Variants in LIX1 observed in about 807,000 individuals in gnomAD.
LIX1 encodes protein limb expression 1 homolog.
LIX1 carries 24 observed loss-of-function variants against 33.4 expected under a neutral mutation model. That is an observed-to-expected ratio of 0.72 (90% CI 0.52 to 1.01). The LOEUF is 1.01. Ranked by LOEUF, LIX1 falls within the 50% of genes least tolerant of loss-of-function variation. LIX1 has a pLI of 0.00. For synonymous variants in LIX1, 124 were observed against 124.0 expected, an observed-to-expected ratio of 1.00 and a Z score of 0.00; for missense variants, 311 against 339.2, an observed-to-expected ratio of 0.92 and a Z score of 0.65.
chr5:97,110,814 A>G (rs1164358332), intron 2 of LIX1, among the ~76,000 whole-genome samples: 1 of 151,784 alleles, frequency 6.6e-6, no homozygotes, highest in Non-Finnish European at 1.5e-5. Flanking sequence ...TGTGGAAAGT[A>G]GTTTTTTTTT....
At chr5:97,098,052 G>A (rs528152748) in intron 4 of LIX1, among the ~76,000 whole-genome samples, 178 of 152,258 alleles carry the variant, frequency 1.2e-3, no homozygotes, top group African/African-American at 4.1e-3. Context: ...TCTGTTTTAC[G>A]GAAGGAGGTG....
chr5:97,133,210 T>C (rs1748098374), intron 1 of LIX1, among the ~76,000 whole-genome samples: 1 of 152,236 alleles, frequency 6.6e-6, no homozygotes, highest in Admixed American at 6.5e-5. Flanking sequence ...CCACTTTTTA[T>C]CAACAGACAG....
intron 1 of LIX1, among the ~76,000 whole-genome samples, chr5:97,128,654 C>T (rs1213407863): frequency 1.3e-5 from 2 of 152,006 alleles, no homozygotes; most frequent in Admixed American, 6.6e-5. Context: ...ACTTTTCTTT[C>T]TCCTGGGTTA....
chr5:97,110,815 G>GA (rs1554078780), intron 2 of LIX1, among the ~76,000 whole-genome samples: 3 of 150,218 alleles, frequency 2.0e-5, no homozygotes, highest in Admixed American at 1.3e-4. Flanking sequence ...GTGGAAAGTA[G>GA]TTTTTTTTTT....
chr5:97,128,600 C>G (rs1360285513), intron 1 of LIX1, among the ~76,000 whole-genome samples: 1 of 152,104 alleles, frequency 6.6e-6, no homozygotes, highest in Admixed American at 6.6e-5. Flanking sequence ...TTTTCAAACT[C>G]AACTCATTTT....
In LIX1 at chr5:97,096,810, C is replaced by T; in HGVS notation, c.561G>A (p.Gln187=). The T allele has an allele frequency of 6.2e-7, 1 of 1,611,098 alleles. No homozygotes were observed. The highest frequency in any genetic ancestry group is 8.5e-7 in the Non-Finnish European group (1 of 1,177,260). Residue 187 remains glutamine, a splice_region_variant and synonymous_variant, in exon 5 of 6, where the codon CAG becomes CAA. Coordinates refer to ENST00000274382, the MANE Select transcript of LIX1 (RefSeq NM_153234.5). The part of the protein sequence containing the change: ...KALRETKCSR[Q]EVISYYSQYS... ...CTTAGACTTGATTAGAAAATCTTAC[C>T]TGTCGGGAACACTTTGTTTCACGAA...
chr5:97,140,237 TG>T (rs1748257592), intron 1 of LIX1, among the ~76,000 whole-genome samples: 1 of 152,282 alleles, frequency 6.6e-6, no homozygotes, highest in East Asian at 1.9e-4. Context: ...CATGTGTGTG[TG>T]TTTGTGTGTT....
intron 1 of LIX1, among the ~76,000 whole-genome samples, chr5:97,140,096 A>T: frequency 6.6e-6 from 1 of 152,224 alleles, no homozygotes; most frequent in East Asian, 1.9e-4. Flanking sequence ...AAGCCAACTG[A>T]GGGCAATAAA....
At position 97,094,513 on chromosome 5, in the gene LIX1, C is replaced by T. The variant is rs150968349; in HGVS notation, c.*235G>A. The T allele has an allele frequency of 9.6e-3, 4,818 of 499,994 alleles. 43 individuals carry two copies. The highest frequency in any genetic ancestry group is 0.012 in the Non-Finnish European group (3,508 of 283,506). The allele number at this position is 499,994 out of a possible 1,614,324, so 31.0% of individuals were successfully genotyped here. The stretch of plus-strand genomic sequence containing the variant: ...GTTTTTCAAACAATTTTGTGTCTAT[C>T]CTTTCATCCTGAGCTGGAACTATTG... On this transcript the variant is annotated 3_prime_UTR_variant, in exon 6 of 6. Coordinates refer to ENST00000274382, the MANE Select transcript of LIX1 (RefSeq NM_153234.5).
At chr5:97,133,109 G>T (rs1748095777) in intron 1 of LIX1, among the ~76,000 whole-genome samples, 1 of 152,194 alleles carries the variant, frequency 6.6e-6, no homozygotes, top group Non-Finnish European at 1.5e-5. Flanking sequence ...GAGTTTAAAT[G>T]CTTTATGGAT....
rs1746175407 is a variant in LIX1 at position 97,093,436 on chromosome 5, T to C, written c.*1312A>G. ...CAGATATGGAAAGACCTATGAGCATTTAAAATTGACATTGCTGACATTCTT... is the reference window on the plus strand; with the variant it reads ...CAGATATGGAAAGACCTATGAGCATCTAAAATTGACATTGCTGACATTCTT... On this transcript the variant is annotated 3_prime_UTR_variant, in exon 6 of 6. Coordinates refer to ENST00000274382, the MANE Select transcript of LIX1 (RefSeq NM_153234.5). 1.3e-5 allele frequency: 2 copies of C among 152,200 alleles called. No individual in the cohort carries two copies. The highest frequency in any genetic ancestry group is 4.2e-4 in the South Asian group (2 of 4,818). 9.4% of individuals were successfully genotyped at this position (152,200 alleles called of 1,614,324 possible). A position where few individuals can be genotyped will look rare whatever the true frequency, so the allele number is the denominator to read the frequency against.
At chr5:97,104,411 T>A (rs1746901193) in intron 4 of LIX1, among the ~76,000 whole-genome samples, 1 of 152,198 alleles carries the variant, frequency 6.6e-6, no homozygotes, top group Non-Finnish European at 1.5e-5. Flanking sequence ...CTACTAAAAT[T>A]CTATCTGTCC....
At chr5:97,107,548 A>G (rs759474404) in intron 2 of LIX1, 48 bp from the exon 3 acceptor site, 2 of 1,595,202 alleles carry the variant, frequency 1.3e-6, no homozygotes, top group South Asian at 1.1e-5. Flanking sequence ...TTAGCATTTC[A>G]CCATTCCACT....
chr5:97,107,838 C>G (rs1003619305), intron 2 of LIX1, among the ~76,000 whole-genome samples: 4 of 151,946 alleles, frequency 2.6e-5, no homozygotes, highest in African/African-American at 9.7e-5. Flanking sequence ...ATTATCAGGG[C>G]CTTCCTCAAA....
intron 1 of LIX1, 58 bp from the exon 2 acceptor site, chr5:97,124,687 C>T: frequency 6.8e-7 from 1 of 1,479,754 alleles, no homozygotes; most frequent in Non-Finnish European, 9.2e-7. Flanking sequence ...TGGTGCAAAA[C>T]CAAAATTTTA....
intron 1 of LIX1, among the ~76,000 whole-genome samples, chr5:97,136,817 T>C (rs1748182216): frequency 6.6e-6 from 1 of 151,778 alleles, no homozygotes; most frequent in African/African-American, 2.4e-5. Context: ...CTATGGGGAG[T>C]GTAATAATTG....
rs117567616 is a variant in LIX1, at chr5:97,117,036, G to A, written c.246+7430C>T. ...AAAAAAGAAACAGATTAAAGTTAGG[G>A]AAGGAGGCTGGGGAATAAATAAAGG... On this transcript the variant is annotated intron_variant, in intron 2 of 5. Coordinates refer to ENST00000274382, the MANE Select transcript of LIX1 (RefSeq NM_153234.5). Among the ~76,000 whole-genome samples, 4 of 152,302 alleles carry A rather than the reference G, an allele frequency of 2.6e-5. No individual in the cohort carries two copies. In the East Asian group the frequency reaches 7.7e-4, roughly 29 times the overall value.
At chr5:97,097,085 GCATTA>G (rs1489800968) in intron 4 of LIX1, among the ~76,000 whole-genome samples, 198 bp from the exon 5 acceptor site, 1 of 152,162 alleles carries the variant, frequency 6.6e-6, no homozygotes, top group Non-Finnish European at 1.5e-5. Context: ...TATATCCATA[GCATTA>G]CATTACATTA....
At chr5:97,110,197 T>A (rs1747305468) in intron 2 of LIX1, among the ~76,000 whole-genome samples, 1 of 152,252 alleles carries the variant, frequency 6.6e-6, no homozygotes, top group African/African-American at 2.4e-5. Flanking sequence ...CTCCACTGGC[T>A]AAGCCAGGCT....
Sources: gnomAD v4.1 joint callset for allele counts (sites outside exome capture counted in the v4.1 genomes callset) on GRCh38, gnomAD v4.1.1 for gene constraint, MANE v1.5 for transcripts, NCBI Gene and HGNC (gene_info 2026-07-23, HGNC 2026-07-21) for gene names.